FOCAD: variants seen among roughly 807,000 people sequenced by gnomAD.
FOCAD encodes the protein KIAA1797.
In FOCAD, 198 loss-of-function variants were observed where a neutral mutation model predicts 225.6. That is an observed-to-expected ratio of 0.88 (90% confidence interval 0.78 to 0.99). The LOEUF is 0.99. Ranked by LOEUF, FOCAD falls within the 50% of genes least tolerant of loss-of-function variation. FOCAD has a pLI of 0.00. For missense variants in FOCAD, 2,713 were observed against 2,123.6 expected (o/e 1.28, Z -5.46); for synonymous variants, 897 against 755.0 (o/e 1.19, Z -3.08).
chr9:20,948,046 G>A (rs1837345587), intron 30 of FOCAD, among the ~76,000 whole-genome samples: 1 of 151,806 alleles, frequency 6.6e-6, no homozygotes, highest in Non-Finnish European at 1.5e-5. Flanking sequence ...ACTCACTGAA[G>A]CTGAATTCCT....
At chr9:20,966,819 G>A (rs1375765969) in intron 35 of FOCAD, among the ~76,000 whole-genome samples, 2 of 151,822 alleles carry the variant, frequency 1.3e-5, no homozygotes, top group African/African-American at 2.4e-5. Flanking sequence ...AAAATCAATT[G>A]GGTATAAATA....
Position 20,978,399 on chromosome 9 carries a change from A to C in FOCAD, c.4322A>C (p.Asn1441Thr). ...IMVTQAQSSQ[N>T]AAALLGLWVT... ...GTGACCCAGGCACAGTCATCCCAGAATGCAGCTGCACTATTGGGCTTGTGG... is the reference window on the plus strand; with the variant it reads ...GTGACCCAGGCACAGTCATCCCAGACTGCAGCTGCACTATTGGGCTTGTGG... Residue 1441 changes from asparagine (N) to threonine (T), a missense_variant, in exon 37 of 44, where the codon AAT (asparagine) becomes ACT (threonine). Asn to Thr is a moderately conservative substitution (Grantham distance 65). Transcript: ENST00000338382. 1.2e-6 allele frequency: 2 copies of C among 1,612,296 alleles called. No homozygotes were observed. The highest frequency in any genetic ancestry group is 1.7e-6 in the Non-Finnish European group (2 of 1,179,104).
intron 11 of FOCAD, among the ~76,000 whole-genome samples, chr9:20,807,665 C>A (rs895766985): frequency 6.6e-6 from 1 of 152,114 alleles, no homozygotes; most frequent in African/African-American, 2.4e-5. Flanking sequence ...GCTCAGTGGC[C>A]ATATAAAGCT....
At chr9:20,885,436 C>A in intron 21 of FOCAD, 1 of 315,232 alleles carries the variant, frequency 3.2e-6, no homozygotes, top group Non-Finnish European at 5.4e-6. Context: ...CACTGCCCAG[C>A]GTATTTATTA....
At chr9:20,931,540 G>A (rs1835471599) in intron 27 of FOCAD, among the ~76,000 whole-genome samples, 1 of 152,172 alleles carries the variant, frequency 6.6e-6, no homozygotes. Flanking sequence ...TTTTCTAAAA[G>A]CAAGTGTTTT....
intron 2 of FOCAD, among the ~76,000 whole-genome samples, chr9:20,669,969 G>A (rs139642420): frequency 7.9e-5 from 12 of 152,226 alleles, no homozygotes; most frequent in African/African-American, 2.9e-4. Flanking sequence ...AATCATTGAG[G>A]AATTGTGAGA....
At chr9:20,781,980 C>T (rs6475473) in intron 10 of FOCAD, 51 bp downstream of exon 10, 79 of 1,525,850 alleles carry the variant, frequency 5.2e-5, no homozygotes, top group Middle Eastern at 2.0e-4. Flanking sequence ...TGTGGGATTT[C>T]GGTCTTTACG....
At chr9:20,888,336 A>C (rs1355140387) in intron 21 of FOCAD, among the ~76,000 whole-genome samples, 1 of 151,576 alleles carries the variant, frequency 6.6e-6, no homozygotes, top group East Asian at 1.9e-4. Flanking sequence ...ACGGGGTTTC[A>C]CCATGTTGGT....
chr9:20,819,710 C>T, intron 11 of FOCAD, 86 bp from the exon 12 acceptor site: 1 of 605,952 alleles, frequency 1.7e-6, no homozygotes. Flanking sequence ...CATATTATTC[C>T]TCTGGAAAAA....
intron 10 of FOCAD, among the ~76,000 whole-genome samples, chr9:20,784,620 C>T (rs1487184147): frequency 1.3e-5 from 2 of 152,178 alleles, no homozygotes; most frequent in Admixed American, 6.5e-5. Flanking sequence ...AATTTAGAGA[C>T]AGCTTGACTG....
intron 1 of FOCAD, among the ~76,000 whole-genome samples, chr9:20,705,916 A>T (rs977540668): frequency 7.1e-6 from 1 of 141,752 alleles, no homozygotes. Context: ...GGCATTATTC[A>T]GTTTTAAGTT....
chr9:20,938,419 T>A (rs1836237811), intron 28 of FOCAD, among the ~76,000 whole-genome samples: 1 of 152,198 alleles, frequency 6.6e-6, no homozygotes, highest in Admixed American at 6.5e-5. Context: ...GATGAGTTCA[T>A]ATCCTTTGTA....
rs56141814 is a variant in FOCAD at position 20,758,034 on chromosome 9, T to C, written c.393-56T>C. On this transcript the variant is annotated intron_variant, in intron 5 of 43. Transcript: ENST00000338382. ...GCTTCTTTGCTGCTATATTTGGATA[T>C]TGAAAATGTGTAGTCCTGAATAACA... is the stretch of plus-strand genomic sequence containing the variant. 3,161 of 1,175,342 alleles carry C rather than the reference T, an allele frequency of 2.7e-3. 13 individuals are homozygous for C. Among genetic ancestry groups the C allele is most frequent in the Non-Finnish European group, 3.7e-3 (3,042 of 823,022 alleles). 72.8% of individuals were successfully genotyped at this position (1,175,342 alleles called of 1,614,324 possible).
rs544864483 is a variant in FOCAD, at chr9:20,684,288, A to G, written c.-38A>G. The G allele has an allele frequency of 6.6e-6, 1 of 152,258 alleles. No individual in the cohort carries two copies. The highest frequency in any genetic ancestry group is 1.5e-5 in the Non-Finnish European group (1 of 68,132). 9.4% of individuals were successfully genotyped at this position (152,258 alleles called of 1,614,324 possible). A position where few individuals can be genotyped will look rare whatever the true frequency, so the allele number is the denominator to read the frequency against. On this transcript the variant is annotated 5_prime_UTR_variant, in exon 1 of 44. Coordinates refer to ENST00000338382, the MANE Select transcript of FOCAD (RefSeq NM_001375567.1). ...GGCGCTGGGCTGAGCTTGTGGCAGA[A>G]GGGAGGTAAGCCGTGCGGGGCGGCG... is the stretch of plus-strand genomic sequence containing the variant.
chr9:20,862,052 G>C (rs959408593), intron 15 of FOCAD, among the ~76,000 whole-genome samples: 1 of 151,976 alleles, frequency 6.6e-6, no homozygotes, highest in Non-Finnish European at 1.5e-5. Flanking sequence ...AAATTATTAT[G>C]TTAAATACTG....
At chr9:20,748,316 T>G (rs900225276) in intron 5 of FOCAD, among the ~76,000 whole-genome samples, 22 of 152,062 alleles carry the variant, frequency 1.4e-4, no homozygotes, top group Non-Finnish European at 1.2e-4. Context: ...GGAAATGGTC[T>G]TTATAGTTTT....
In FOCAD at chr9:20,949,597, C is replaced by A; in HGVS notation, c.3877-7C>A. Reference sequence around the variant, plus strand: ...GGTGGGATGGGTATTTCTTCTTATTCTTTCAGCTGAAATCAGAAGCCATCC... The same window carrying A: ...GGTGGGATGGGTATTTCTTCTTATTATTTCAGCTGAAATCAGAAGCCATCC... On this transcript the variant is annotated splice_region_variant and splice_polypyrimidine_tract_variant and intron_variant, in intron 32 of 43. Coordinates refer to ENST00000338382, the MANE Select transcript of FOCAD (RefSeq NM_001375567.1). The A allele has an allele frequency of 6.2e-7, 1 of 1,612,186 alleles. No homozygotes were observed. Among genetic ancestry groups the A allele is most frequent in the Non-Finnish European group, 8.5e-7 (1 of 1,178,602 alleles).
chr9:20,902,045 G>A (rs1396860182), intron 21 of FOCAD, among the ~76,000 whole-genome samples: 1 of 151,834 alleles, frequency 6.6e-6, no homozygotes, highest in Non-Finnish European at 1.5e-5. Context: ...ATTTTCACAC[G>A]ATAGGAATTT....
intron 1 of FOCAD, among the ~76,000 whole-genome samples, chr9:20,710,565 T>C (rs968569697): frequency 6.6e-5 from 10 of 151,552 alleles, no homozygotes; most frequent in Admixed American, 2.0e-4. Context: ...CATTTCACTC[T>C]AGCCTGGGCA....
Sources: allele counts gnomAD v4.1 joint callset (sites outside exome capture counted in the v4.1 genomes callset), GRCh38; gene constraint gnomAD v4.1.1; transcripts MANE v1.5; gene names NCBI Gene and HGNC (gene_info 2026-07-23, HGNC 2026-07-21).